SEMA4B: variants seen among roughly 807,000 people sequenced by gnomAD.
SEMA4B encodes semaphorin-4B.
Under a neutral mutation model 88.1 loss-of-function variants are expected in SEMA4B, and 55 were observed. That is an observed-to-expected ratio of 0.62 (90% CI 0.50 to 0.78). The LOEUF is 0.78. Among genes scored for constraint, SEMA4B ranks in the 30% least tolerant of loss-of-function variants. The pLI, the probability that SEMA4B is intolerant of heterozygous loss-of-function variation, is 0.00. For synonymous variants in SEMA4B, 525 were observed against 473.6 expected (o/e 1.11, Z -1.41); for missense variants, 1,062 against 1,111.9 (o/e 0.96, Z 0.64).
chr15:90,188,505 G>A (rs1205443278), intron 1 of SEMA4B, among the ~76,000 whole-genome samples: 1 of 151,908 alleles, frequency 6.6e-6, no homozygotes, highest in Non-Finnish European at 1.5e-5. Flanking sequence ...GCGCATGCCT[G>A]TAATCCCAGC....
chr15:90,217,505 T>C lies in SEMA4B; in HGVS notation c.224T>C (p.Leu75Pro). The C allele has an allele frequency of 6.2e-7, 1 of 1,614,012 alleles. No homozygotes were observed. Among genetic ancestry groups the C allele is most frequent in the Non-Finnish European group, 8.5e-7 (1 of 1,179,894 alleles). Residue 75 changes from leucine to proline, a missense_variant, in exon 2 of 14, where the codon CTG (leucine) becomes CCG (proline). Physicochemically the swap from Leu to Pro is moderately conservative, Grantham distance 98. Transcript: ENST00000411539. ...EHISNYTALL[L>P]SRDGRTLYVG... ...ATCTCCAACTACACAGCCCTTCTGC[T>C]GAGCAGGGATGGCAGGACCCTGTAC...
chr15:90,222,179 A>G lies in SEMA4B; in HGVS notation c.861+414A>G, dbSNP rs554523782. 1.5e-3 allele frequency among the ~76,000 whole-genome samples: 228 copies of G among 149,298 alleles called. 1 individual carries two copies. Among genetic ancestry groups the G allele is most frequent in the Admixed American group, 2.9e-3 (43 of 15,068 alleles). ...GGTCTCAAACTCCTGGGCTCAAACA[A>G]TCCACCCACCTCGGCTTCCCAAAGT... On this transcript the variant is annotated intron_variant, in intron 7 of 13. Coordinates refer to ENST00000411539, the MANE Select transcript of SEMA4B (RefSeq NM_198925.4).
intron 1 of SEMA4B, among the ~76,000 whole-genome samples, chr15:90,193,866 C>T (rs1296179075): frequency 6.8e-6 from 1 of 146,602 alleles, no homozygotes; most frequent in Admixed American, 6.9e-5. Context: ...TTGGGTTGGT[C>T]GGGGGGACGG....
rs774918360 is a variant in SEMA4B, at chr15:90,228,139, C to T, written c.2010C>T (p.Tyr670=). The part of the protein sequence containing the change: ...EEGFQQLVAS[Y]CPEVVEDGVA... ...GCTTCCAGCAGCTGGTAGCCAGCTA[C>T]TGCCCAGAGGTGGTGGAGGACGGGG... Residue 670 remains tyrosine, a synonymous_variant, in exon 14 of 14, where the codon TAC becomes TAT. Coordinates refer to ENST00000411539, the MANE Select transcript of SEMA4B (RefSeq NM_198925.4). The T allele has an allele frequency of 5.6e-6, 9 of 1,611,474 alleles. No homozygotes were observed. The highest frequency in any genetic ancestry group is 5.9e-6 in the Non-Finnish European group (7 of 1,178,856).
chr15:90,185,049 C>A, exon 1 of SEMA4B: 1 of 985,240 alleles, frequency 1.0e-6, no homozygotes. Flanking sequence ...CCGCGGGGGG[C>A]GATGACCGTG....
Position 90,217,762 on chromosome 15 carries a change from C to T in SEMA4B, c.322-5C>T. 1 of 1,613,368 alleles carries T rather than the reference C, an allele frequency of 6.2e-7. No individual in the cohort carries two copies. Among genetic ancestry groups the T allele is most frequent in the African/African-American group, 1.3e-5 (1 of 75,026 alleles). On this transcript the variant is annotated splice_polypyrimidine_tract_variant and splice_region_variant and intron_variant, in intron 2 of 13. Coordinates refer to ENST00000411539, the MANE Select transcript of SEMA4B (RefSeq NM_198925.4). The stretch of plus-strand genomic sequence containing the variant: ...TCCACTACCTTCCCCTTTCTCATTC[C>T]CCAGCTGCTTTGGGGTGCAGACGCA...
chr15:90,217,317 T>C, intron 1 of SEMA4B, 122 bp from the exon 2 acceptor site: 1 of 959,950 alleles, frequency 1.0e-6, no homozygotes, highest in Non-Finnish European at 1.5e-6. Context: ...CCCAGCCCCT[T>C]GCCATTGCCA....
In SEMA4B at chr15:90,225,296, C is replaced by T; in HGVS notation, c.1420C>T (p.His474Tyr). 2 of 1,558,394 alleles carry T rather than the reference C, an allele frequency of 1.3e-6. No homozygotes were observed. The highest frequency in any genetic ancestry group is 1.7e-6 in the Non-Finnish European group (2 of 1,151,514). ...CCACACCCCAGGTGACGGCCGGCTC[C>T]ACAAGGCAGTGAGCGTGGGCCCCCG... ...LFLGTGDGRLHKAVSVGPRVH... is the reference protein window; with the variant it reads ...LFLGTGDGRLYKAVSVGPRVH... Residue 474 changes from histidine (H) to tyrosine (Y), a missense_variant, in exon 11 of 14, where the codon CAC becomes TAC. Transcript: ENST00000411539.
intron 1 of SEMA4B, among the ~76,000 whole-genome samples, chr15:90,196,145 G>A (rs1596120439): frequency 1.4e-5 from 2 of 145,432 alleles, no homozygotes; most frequent in Admixed American, 6.9e-5. Context: ...AGCCAGGATG[G>A]TCTCGATCTC....
chr15:90,225,118 G>T lies in SEMA4B; in HGVS notation c.1345G>T (p.Val449Leu). 6.2e-7 allele frequency: 1 copy of T among 1,613,630 alleles called. No homozygotes were observed. The highest frequency in any genetic ancestry group is 1.1e-5 in the South Asian group (1 of 91,084). The change falls in exon 10 of 14, where the codon GTG (valine) becomes TTG (leucine). Residue 449 changes from valine to leucine, a missense_variant. Transcript: ENST00000411539. ...GCAGCCCCAGGCTCGCTACCAGCGCGTGGCTGTACACCGCGTCCCTGGCCT... is the reference window on the plus strand; with the variant it reads ...GCAGCCCCAGGCTCGCTACCAGCGCTTGGCTGTACACCGCGTCCCTGGCCT... ...LLQPQARYQRVAVHRVPGLHH... is the reference protein window; with the variant it reads ...LLQPQARYQRLAVHRVPGLHH...
At chr15:90,186,297 C>G (rs1186741688) in intron 1 of SEMA4B, among the ~76,000 whole-genome samples, 3 of 152,070 alleles carry the variant, frequency 2.0e-5, no homozygotes, top group Admixed American at 1.3e-4. Flanking sequence ...GCACCTGGGG[C>G]TCAAACTGTT....
At position 90,201,712 on chromosome 15, in the gene SEMA4B, G is replaced by A; in HGVS notation, c.134G>A (p.Ser45Asn). 1 of 1,492,450 alleles carries A rather than the reference G, an allele frequency of 6.7e-7. No homozygotes were observed. The highest frequency in any genetic ancestry group is 8.9e-7 in the Non-Finnish European group (1 of 1,126,394). 92.5% of individuals were successfully genotyped at this position (1,492,450 alleles called of 1,614,324 possible). Reference sequence around the variant, plus strand: ...CCGCCGCCTCCGACCTGGGCGCTCAGCCCCCGGATCAGCCTGCCTCTGGGT... The same window carrying A: ...CCGCCGCCTCCGACCTGGGCGCTCAACCCCCGGATCAGCCTGCCTCTGGGT... Reference protein sequence around the residue: ...LQPPPPTWALSPRISLPLGSE... With the variant: ...LQPPPPTWALNPRISLPLGSE... Residue 45 changes from serine (S) to asparagine (N), a missense_variant, in exon 1 of 14, where the codon AGC becomes AAC. Coordinates refer to ENST00000411539, the MANE Select transcript of SEMA4B (RefSeq NM_198925.4).
intron 1 of SEMA4B, among the ~76,000 whole-genome samples, chr15:90,209,714 G>A (rs1036343846): frequency 1.8e-4 from 28 of 152,210 alleles, no homozygotes; most frequent in African/African-American, 6.3e-4. Context: ...TTGCCCAGCC[G>A]GGGATCCAGG....
intron 1 of SEMA4B, among the ~76,000 whole-genome samples, chr15:90,207,940 A>C (rs1399282126): frequency 1.3e-5 from 2 of 152,144 alleles, no homozygotes; most frequent in Admixed American, 6.5e-5. Flanking sequence ...ATTTTGTTTG[A>C]CTTCCAAGTT....
intron 1 of SEMA4B, among the ~76,000 whole-genome samples, chr15:90,202,024 G>T (rs980088828): frequency 1.3e-5 from 2 of 152,262 alleles, no homozygotes; most frequent in African/African-American, 4.8e-5. Context: ...GGCGGGGTCC[G>T]CCTGCCCATC....
At chr15:90,210,403 G>A (rs190661195) in intron 1 of SEMA4B, among the ~76,000 whole-genome samples, 2 of 152,146 alleles carry the variant, frequency 1.3e-5, no homozygotes, top group South Asian at 2.1e-4. Context: ...GGGCTTGAAC[G>A]GAGTTAAGAA....
intron 1 of SEMA4B, among the ~76,000 whole-genome samples, 171 bp downstream of exon 1, chr15:90,201,906 G>T (rs1165348635): frequency 6.6e-6 from 1 of 152,234 alleles, no homozygotes; most frequent in Non-Finnish European, 1.5e-5. Context: ...GGAGAGGAGA[G>T]GGGAGCTGTG....
At chr15:90,218,419 C>T (rs4932304) in intron 3 of SEMA4B, among the ~76,000 whole-genome samples, 23,960 of 152,206 alleles carry the variant, frequency 0.16, 2,752 homozygotes, top group East Asian at 0.62. Context: ...GTCCTGGCTG[C>T]CATTCTGTTA....
At chr15:90,201,993 C>T (rs914058668) in intron 1 of SEMA4B, among the ~76,000 whole-genome samples, 2 of 152,226 alleles carry the variant, frequency 1.3e-5, no homozygotes, top group African/African-American at 4.8e-5. Context: ...CCCCCTAGTT[C>T]CCTTAGGAGG....
Sources: gnomAD v4.1 joint callset for allele counts (sites outside exome capture counted in the v4.1 genomes callset) on GRCh38, gnomAD v4.1.1 for gene constraint, MANE v1.5 for transcripts, NCBI Gene and HGNC (gene_info 2026-07-23, HGNC 2026-07-21) for gene names.